PAM: variants seen among roughly 807,000 people sequenced by gnomAD.
The protein encoded by PAM is peptidylglycine alpha-amidating monooxygenase, also known as peptidyl-glycine alpha-amidating monooxygenase.
PAM carries 72 observed loss-of-function variants against 122.1 expected under a neutral mutation model. That is an observed-to-expected ratio of 0.59 (90% CI 0.49 to 0.72). The LOEUF (loss-of-function observed/expected upper bound fraction) is 0.72, where lower values mean the gene tolerates loss of function less well. Among genes scored for constraint, PAM ranks in the 30% least tolerant of loss-of-function variants. PAM has a pLI of 0.00. For missense variants in PAM, 1,106 were observed against 1,183.7 expected (o/e 0.93, Z 0.96); for synonymous variants, 389 against 404.4 (o/e 0.96, Z 0.46).
At chr5:102,885,706 T>G (rs1402636767) in intron 3 of PAM, among the ~76,000 whole-genome samples, 1 of 152,016 alleles carries the variant, frequency 6.6e-6, no homozygotes, top group Non-Finnish European at 1.5e-5. Flanking sequence ...GCAAAAAATT[T>G]GTCTTACTCA....
At chr5:103,012,017 G>C (rs1395571522) in intron 21 of PAM, among the ~76,000 whole-genome samples, 1 of 152,176 alleles carries the variant, frequency 6.6e-6, no homozygotes, top group Non-Finnish European at 1.5e-5. Context: ...GATCAATGAT[G>C]TTGAGCACTT....
intron 1 of PAM, among the ~76,000 whole-genome samples, chr5:102,849,265 A>G (rs1215881312): frequency 6.6e-6 from 1 of 152,276 alleles, no homozygotes; most frequent in Admixed American, 6.5e-5. Flanking sequence ...TCTAGTAAAA[A>G]GAAAAAGGTG....
intron 12 of PAM, 116 bp downstream of exon 12, chr5:102,950,936 A>G: frequency 1.6e-6 from 1 of 637,270 alleles, no homozygotes; most frequent in East Asian, 2.7e-5. Flanking sequence ...ATGGACAATT[A>G]CAACAAACTG....
intron 1 of PAM, among the ~76,000 whole-genome samples, chr5:102,823,783 A>G (rs1772776698): frequency 6.6e-6 from 1 of 152,212 alleles, no homozygotes; most frequent in African/African-American, 2.4e-5. Context: ...ATCTATGCTC[A>G]TAAGTGAACT....
At chr5:102,989,208 A>G (rs1001156240) in intron 15 of PAM, among the ~76,000 whole-genome samples, 2 of 152,166 alleles carry the variant, frequency 1.3e-5, no homozygotes, top group African/African-American at 4.8e-5. Flanking sequence ...TATAAAAGGG[A>G]TTAACACAAG....
intron 23 of PAM, among the ~76,000 whole-genome samples, chr5:103,022,044 T>C (rs1019717583): frequency 5.9e-5 from 9 of 151,904 alleles, no homozygotes; most frequent in African/African-American, 2.2e-4. Context: ...TCTAATAAAG[T>C]TACTAGAGAT....
At chr5:102,793,818 T>A (rs1457661688) in intron 1 of PAM, among the ~76,000 whole-genome samples, 1 of 152,224 alleles carries the variant, frequency 6.6e-6, no homozygotes, top group Non-Finnish European at 1.5e-5. Flanking sequence ...GTAGTGATTA[T>A]AGTAAGAGAA....
intron 1 of PAM, among the ~76,000 whole-genome samples, chr5:102,856,988 C>T (rs1782812017): frequency 6.6e-6 from 1 of 152,088 alleles, no homozygotes; most frequent in Admixed American, 6.6e-5. Flanking sequence ...ACTTGGTACA[C>T]CTAAGTGTGG....
At chr5:102,982,914 A>T (rs1770397274) in intron 15 of PAM, among the ~76,000 whole-genome samples, 1 of 152,132 alleles carries the variant, frequency 6.6e-6, no homozygotes, top group Non-Finnish European at 1.5e-5. Flanking sequence ...CAACATAATG[A>T]TATTAAAGAA....
intron 21 of PAM, 73 bp downstream of exon 21, chr5:103,009,939 T>G (rs1780135043): frequency 4.6e-6 from 3 of 656,280 alleles, no homozygotes; most frequent in Non-Finnish European, 7.4e-6. Context: ...GCATTCAATC[T>G]GTACTTGAAT....
chr5:102,993,424 T>A (rs183989430), intron 16 of PAM, among the ~76,000 whole-genome samples: 2 of 152,184 alleles, frequency 1.3e-5, no homozygotes, highest in African/African-American at 4.8e-5. Context: ...ATGGTTGGGG[T>A]GTACTATGCA....
intron 1 of PAM, among the ~76,000 whole-genome samples, chr5:102,804,233 C>CG (rs1458284137): frequency 4.6e-5 from 7 of 152,052 alleles, no homozygotes; most frequent in African/African-American, 1.7e-4. Flanking sequence ...TAGCAGCTCA[C>CG]GGGGGAGCCT....
At position 102,994,480 on chromosome 5, in the gene PAM, T is replaced by G. The variant is rs113831030; in HGVS notation, c.1613+4079T>G. On this transcript the variant is annotated intron_variant, in intron 16 of 25. Coordinates refer to ENST00000438793, the MANE Select transcript of PAM (RefSeq NM_001177306.2). ...TTTGGTCTCTCTCCCCTTTAAGTGT[T>G]TCGCCTAGAAGTGGTCATAGTACCT... Among the ~76,000 whole-genome samples, 1,167 of 152,300 alleles carry G rather than the reference T, an allele frequency of 7.7e-3. 21 individuals carry two copies. Among genetic ancestry groups the G allele is most frequent in the African/African-American group, 0.026 (1,062 of 41,582 alleles).
At chr5:102,996,189 A>C (rs1168880237) in intron 16 of PAM, among the ~76,000 whole-genome samples, 1 of 152,174 alleles carries the variant, frequency 6.6e-6, no homozygotes, top group Non-Finnish European at 1.5e-5. Flanking sequence ...CAAACTGCTA[A>C]AATAAAGAAC....
chr5:102,860,629 T>G (rs183489603), intron 1 of PAM, among the ~76,000 whole-genome samples: 1 of 151,630 alleles, frequency 6.6e-6, no homozygotes, highest in African/African-American at 2.4e-5. Context: ...GGGGTTGCAG[T>G]GAGCTAAGAT....
At chr5:102,830,288 A>G (rs1306416198) in intron 1 of PAM, among the ~76,000 whole-genome samples, 1 of 152,192 alleles carries the variant, frequency 6.6e-6, no homozygotes, top group East Asian at 1.9e-4. Context: ...GGACGATTGA[A>G]GTCATTAAGG....
chr5:102,957,048 A>C (rs967359619), intron 12 of PAM, among the ~76,000 whole-genome samples: 9 of 152,142 alleles, frequency 5.9e-5, no homozygotes, highest in African/African-American at 2.2e-4. Context: ...TGTTTATCTG[A>C]ATGGATGGAC....
intron 3 of PAM, among the ~76,000 whole-genome samples, chr5:102,892,086 G>A (rs1794940308): frequency 6.6e-6 from 1 of 151,766 alleles, no homozygotes; most frequent in Admixed American, 6.6e-5. Flanking sequence ...TAGATGTGAG[G>A]TGAAGTCTTT....
chr5:102,900,252 T>TGGGGGGGGGGG (rs1188772644), intron 3 of PAM, among the ~76,000 whole-genome samples: 1 of 6,278 alleles, frequency 1.6e-4, no homozygotes, highest in African/African-American at 8.9e-4. Context: ...AATGTGTGTG[T>TGGGGGGGGGGG]GTGGGGGGGG....
Sources: allele counts gnomAD v4.1 joint callset (sites outside exome capture counted in the v4.1 genomes callset), GRCh38; gene constraint gnomAD v4.1.1; transcripts MANE v1.5; gene names NCBI Gene and HGNC (gene_info 2026-07-23, HGNC 2026-07-21).